The following PIP5K1B variants were observed in gnomAD, a reference collection of about 807,000 sequenced individuals.
PIP5K1B encodes phosphatidylinositol-4-phosphate 5-kinase type 1 beta.
PIP5K1B carries 42 observed loss-of-function variants against 67.0 expected under a neutral mutation model. The ratio of observed to expected loss-of-function variants is 0.63; its 90% CI spans 0.49 to 0.81. PIP5K1B has a LOEUF of 0.81. Among genes scored for constraint, PIP5K1B ranks in the 30% least tolerant of loss-of-function variants. The pLI is 0.00. For missense variants in PIP5K1B, 459 were observed against 646.3 expected, an observed-to-expected ratio of 0.71 and a Z score of 3.14; for synonymous variants, 214 against 231.4, an observed-to-expected ratio of 0.92 and a Z score of 0.68.
intron 2 of PIP5K1B, among the ~76,000 whole-genome samples, chr9:68,808,730 T>A (rs1263865311): frequency 6.6e-6 from 1 of 152,228 alleles, no homozygotes; most frequent in African/African-American, 2.4e-5. Flanking sequence ...TTTATTCACT[T>A]TGGGAGAGCC....
chr9:68,996,599 T>G (rs1340848328), intron 15 of PIP5K1B, among the ~76,000 whole-genome samples: 1 of 152,240 alleles, frequency 6.6e-6, no homozygotes, highest in African/African-American at 2.4e-5. Context: ...TTCTACTTTG[T>G]AAATAGTCCC....
chr9:68,983,417 G>A (rs1056115675), intron 14 of PIP5K1B, among the ~76,000 whole-genome samples: 1 of 152,104 alleles, frequency 6.6e-6, no homozygotes, highest in Admixed American at 6.6e-5. Context: ...GCTGTTTGGA[G>A]TTGGCTTCTG....
At chr9:68,793,229 T>C (rs1414994526) in intron 2 of PIP5K1B, among the ~76,000 whole-genome samples, 1 of 134,822 alleles carries the variant, frequency 7.4e-6, no homozygotes, top group African/African-American at 2.6e-5. Context: ...ATTGCAAACA[T>C]AGGTGGCATA....
intron 8 of PIP5K1B, among the ~76,000 whole-genome samples, chr9:68,899,049 G>T (rs1489714658): frequency 1.3e-5 from 2 of 152,148 alleles, no homozygotes; most frequent in African/African-American, 4.8e-5. Context: ...CTCCAGATGC[G>T]TTCTTCAGCT....
chr9:68,947,698 A>T (rs77225035), intron 14 of PIP5K1B, among the ~76,000 whole-genome samples: 5,114 of 152,322 alleles, frequency 0.034, 91 homozygotes, highest in Middle Eastern at 0.051. Context: ...ATTTATTCTC[A>T]TGCCATTGTA....
At chr9:68,926,764 G>T (rs1418901051) in intron 12 of PIP5K1B, among the ~76,000 whole-genome samples, 1 of 152,014 alleles carries the variant, frequency 6.6e-6, no homozygotes. Flanking sequence ...TAGAGATGGG[G>T]TATCACCATG....
chr9:68,781,060 GGA>G (rs775395098), intron 2 of PIP5K1B: 4 of 1,585,896 alleles, frequency 2.5e-6, no homozygotes, highest in Middle Eastern at 1.7e-4. Context: ...TTTTTGCAGT[GGA>G]GAGAGAGAAT....
At chr9:68,893,532 C>G (rs529383441) in intron 7 of PIP5K1B, among the ~76,000 whole-genome samples, 1 of 151,962 alleles carries the variant, frequency 6.6e-6, no homozygotes, top group African/African-American at 2.4e-5. Flanking sequence ...CAGGGTTTCA[C>G]CATGCTAGCC....
intron 14 of PIP5K1B, among the ~76,000 whole-genome samples, chr9:68,972,099 C>G (rs1181322023): frequency 6.6e-5 from 10 of 152,142 alleles, no homozygotes; most frequent in Non-Finnish European, 4.4e-5. Flanking sequence ...AGGTTTTCTT[C>G]TAGGGTTTTT....
intron 14 of PIP5K1B, among the ~76,000 whole-genome samples, chr9:68,981,414 C>T (rs919862612): frequency 7.2e-6 from 1 of 139,190 alleles, no homozygotes; most frequent in African/African-American, 2.7e-5. Flanking sequence ...TGAAGGGAAT[C>T]GCCAGAAAAT....
rs535742336 is a variant in PIP5K1B at position 68,795,761 on chromosome 9, A to G, written c.-85-22700A>G. Among the ~76,000 whole-genome samples the G allele has an allele frequency of 5.3e-4, 81 of 152,348 alleles. 1 individual carries two copies. Among genetic ancestry groups the G allele is most frequent in the African/African-American group, 1.9e-3 (80 of 41,588 alleles). ...CTTTTAGTTTTCCTAACATTCATGA[A>G]AATTTCTGGGTTTCTCCTATTTCAT... On this transcript the variant is annotated intron_variant, in intron 2 of 15. Transcript: ENST00000265382.
chr9:68,728,881 T>G (rs906400292), intron 1 of PIP5K1B: 1 of 152,108 alleles, frequency 6.6e-6, no homozygotes, highest in African/African-American at 2.4e-5. Context: ...CTGAGAGTGT[T>G]TTGCTAATCA....
At chr9:68,995,805 CAAA>C (rs35764883) in intron 15 of PIP5K1B, among the ~76,000 whole-genome samples, 3 of 100,314 alleles carry the variant, frequency 3.0e-5, no homozygotes, top group African/African-American at 4.0e-5. Flanking sequence ...AACTCCGTCT[CAAA>C]AAAAAAAAAA....
chr9:68,975,736 G>C (rs1829605429), intron 14 of PIP5K1B, among the ~76,000 whole-genome samples: 2 of 152,206 alleles, frequency 1.3e-5, no homozygotes, highest in South Asian at 2.1e-4. Context: ...AGAAGAATCT[G>C]TTCCATACCT....
chr9:68,852,136 A>AGGTT (rs767773053), intron 4 of PIP5K1B, among the ~76,000 whole-genome samples: 19 of 152,200 alleles, frequency 1.2e-4, no homozygotes, highest in Non-Finnish European at 1.9e-4. Flanking sequence ...CCTAGATGAC[A>AGGTT]GGTTGATAGG....
At chr9:68,788,796 A>G in intron 2 of PIP5K1B, 1 of 251,210 alleles carries the variant, frequency 4.0e-6, no homozygotes, top group Non-Finnish European at 8.2e-6. Context: ...CATTATTCCA[A>G]AGCATACAAG....
At chr9:68,730,998 C>T (rs1041474062) in intron 1 of PIP5K1B, among the ~76,000 whole-genome samples, 9 of 152,230 alleles carry the variant, frequency 5.9e-5, no homozygotes, top group African/African-American at 2.2e-4. Context: ...TTGAAATATG[C>T]TTCTTCAATC....
rs181124284 is a variant in PIP5K1B at position 68,781,033 on chromosome 9, C to T, written c.-85-37428C>T. The T allele has an allele frequency of 2.0e-4, 320 of 1,609,884 alleles. 1 individual carries two copies. In the Admixed American group the frequency reaches 5.1e-3, roughly 26 times the overall value. ...GATGAACTTTCGTCTAAGTGATTCACTCATCCTGAGACTTTCTTTTTGCAG... is the reference window on the plus strand; with the variant it reads ...GATGAACTTTCGTCTAAGTGATTCATTCATCCTGAGACTTTCTTTTTGCAG... On this transcript the variant is annotated intron_variant, in intron 2 of 15. Coordinates refer to ENST00000265382, the MANE Select transcript of PIP5K1B (RefSeq NM_003558.4).
At chr9:68,868,190 A>C (rs1003040039) in intron 5 of PIP5K1B, among the ~76,000 whole-genome samples, 4 of 152,160 alleles carry the variant, frequency 2.6e-5, no homozygotes, top group African/African-American at 9.7e-5. Flanking sequence ...TTTTGACCCC[A>C]AATTCTGTGT....
Sources: allele counts gnomAD v4.1 joint callset (sites outside exome capture counted in the v4.1 genomes callset), GRCh38; gene constraint gnomAD v4.1.1; transcripts MANE v1.5; gene names NCBI Gene and HGNC (gene_info 2026-07-23, HGNC 2026-07-21).